ASB18: variants seen among roughly 807,000 people sequenced by gnomAD.
ASB18 encodes ankyrin repeat and SOCS box containing 18, also known as ankyrin repeat and SOCS box protein 18.
In ASB18, 33 loss-of-function variants were observed where a neutral mutation model predicts 33.4. The observed-to-expected ratio is 0.99, with a 90% CI of 0.75 to 1.32. The LOEUF (loss-of-function observed/expected upper bound fraction) is 1.32, where lower values mean the gene tolerates loss of function less well. Among genes scored for constraint, ASB18 ranks in the 40% most tolerant of loss-of-function variants. ASB18 has a pLI of 0.00. For synonymous variants in ASB18, 295 were observed against 307.6 expected (o/e 0.96, Z 0.43); for missense variants, 694 against 655.5 (o/e 1.06, Z -0.64).
At position 236,237,578 on chromosome 2, in the gene ASB18, G is replaced by C; in HGVS notation, c.596+111C>G. 1.1e-6 allele frequency: 1 copy of C among 907,600 alleles called. No individual in the cohort carries two copies. The highest frequency in any genetic ancestry group is 4.3e-5 in the Admixed American group (1 of 23,090). The allele number at this position is 907,600 out of a possible 1,614,324, so 56.2% of individuals were successfully genotyped here. ...GTCAAGGGTGCAGGGTCTGGGTCCGGAGGCGGGGGCTGGGACGGAGGCGGA... is the reference window on the plus strand; with the variant it reads ...GTCAAGGGTGCAGGGTCTGGGTCCGCAGGCGGGGGCTGGGACGGAGGCGGA... On this transcript the variant is annotated intron_variant, in intron 3 of 5. Transcript: ENST00000409749. This position sits in a 1 kb window ranked among gnomAD's most constrained non-coding sequence, Gnocchi z 6.2.
Position 236,237,004 on chromosome 2 carries a change from G to T in ASB18, c.596+685C>A, listed in dbSNP as rs116636914. 0.015 allele frequency among the ~76,000 whole-genome samples: 2,259 copies of T among 152,218 alleles called. 30 individuals carry two copies. Among genetic ancestry groups the T allele is most frequent in the African/African-American group, 0.034 (1,432 of 41,552 alleles). ...TTCCGAGACCCGGAGCACACGCTGG[G>T]AGGGCGCTCTCTGGGGACGGGGGCT... On this transcript the variant is annotated intron_variant, in intron 3 of 5. Transcript: ENST00000409749. The surrounding 1 kb of genome is among the most constrained non-coding windows in gnomAD (Gnocchi z 6.2).
In ASB18 at chr2:236,259,977, T is replaced by G. The variant is rs1371173102; in HGVS notation, c.205+4164A>C. On this transcript the variant is annotated intron_variant, in intron 1 of 5. Coordinates refer to ENST00000409749, the MANE Select transcript of ASB18 (RefSeq NM_212556.4). The surrounding 1 kb of genome is among the most constrained non-coding windows in gnomAD (Gnocchi z 4.4). ...GGATGCCACTTTTTCTCTATGCTTT[T>G]TTTTGGTGATGTTGACATGGATGCA... Among the ~76,000 whole-genome samples the G allele has an allele frequency of 2.6e-5, 4 of 152,234 alleles. No homozygotes were observed. The highest frequency in any genetic ancestry group is 9.6e-5 in the African/African-American group (4 of 41,472).
rs1192580441 is a variant in ASB18 at position 236,259,657 on chromosome 2, C to T, written c.205+4484G>A. The stretch of plus-strand genomic sequence containing the variant: ...GATCCTGTTGGGATGGGGATGCTGA[C>T]TGTAGAGCGTGGGGGGCTCAGCCTC... On this transcript the variant is annotated intron_variant, in intron 1 of 5. Transcript: ENST00000409749. This position sits in a 1 kb window ranked among gnomAD's most constrained non-coding sequence, Gnocchi z 4.4. 1 of 461,068 alleles carries T rather than the reference C, an allele frequency of 2.2e-6. No individual in the cohort carries two copies. Among genetic ancestry groups the T allele is most frequent in the Non-Finnish European group, 4.5e-6 (1 of 220,796 alleles). The allele number at this position is 461,068 out of a possible 1,614,324, so 28.6% of individuals were successfully genotyped here. A position where few individuals can be genotyped will look rare whatever the true frequency, so the allele number is the denominator to read the frequency against.
chr2:236,241,381 G>A lies in ASB18; in HGVS notation c.227C>T (p.Pro76Leu). ...MLLGDLDHLKPLMDQFFQDAN... is the reference protein window; with the variant it reads ...MLLGDLDHLKLLMDQFFQDAN... ...ATCCTGGAAGAACTGGTCCATGAGG[G>A]GCTTCAGATGGTCGAGGTCCCCTGC... Residue 76 changes from proline (P) to leucine (L), a missense_variant, in exon 2 of 6, where the codon CCC (proline) becomes CTC (leucine). Pro to Leu is a moderately conservative substitution (Grantham distance 98). Transcript: ENST00000409749. This position sits in a 1 kb window ranked among gnomAD's most constrained non-coding sequence, Gnocchi z 4.2. The A allele has an allele frequency of 6.2e-7, 1 of 1,613,926 alleles. No homozygotes were observed. The highest frequency in any genetic ancestry group is 1.3e-5 in the African/African-American group (1 of 75,028).
At position 236,195,422 on chromosome 2, in the gene ASB18, G is replaced by A. The variant is rs2060367127; in HGVS notation, c.1216-365C>T. Among the ~76,000 whole-genome samples, 1 of 152,108 alleles carries A rather than the reference G, an allele frequency of 6.6e-6. No individual in the cohort carries two copies. The highest frequency in any genetic ancestry group is 1.5e-5 in the Non-Finnish European group (1 of 68,020). ...AGCTCTTCCCTTCTGCCAGGGAGGG[G>A]CTCAGGAGCGAGTGCATGGCATTGG... On this transcript the variant is annotated intron_variant, in intron 5 of 5. Transcript: ENST00000409749. The surrounding 1 kb of genome is among the most constrained non-coding windows in gnomAD (Gnocchi z 5.5).
In ASB18 at chr2:236,241,205, C is replaced by T. The variant is rs1344912605; in HGVS notation, c.328+75G>A. ...AGTGCCACTGTGCCCAGTCTACACA[C>T]GGGAGCCTTACACTCCCAGAGAGTA... On this transcript the variant is annotated intron_variant, in intron 2 of 5. Coordinates refer to ENST00000409749, the MANE Select transcript of ASB18 (RefSeq NM_212556.4). The surrounding 1 kb of genome is among the most constrained non-coding windows in gnomAD (Gnocchi z 4.2). 15 of 1,442,164 alleles carry T rather than the reference C, an allele frequency of 1.0e-5. No individual in the cohort carries two copies. The highest frequency in any genetic ancestry group is 2.0e-4 in the Middle Eastern group (1 of 5,022). 89.3% of individuals were successfully genotyped at this position (1,442,164 alleles called of 1,614,324 possible).
chr2:236,240,735 A>G (rs1457851032), intron 2 of ASB18, among the ~76,000 whole-genome samples: 1 of 152,210 alleles, frequency 6.6e-6, no homozygotes, highest in Non-Finnish European at 1.5e-5. Flanking sequence ...GCAGACACGT[A>G]TGAAGTCAGG....
chr2:236,246,036 T>C (rs923323567), intron 1 of ASB18, among the ~76,000 whole-genome samples: 34 of 152,080 alleles, frequency 2.2e-4, no homozygotes, highest in Admixed American at 1.4e-3. Context: ...TTCCCCCACA[T>C]GTAGAGATCC....
Position 236,264,334 on chromosome 2 carries a change from C to G in ASB18, c.12G>C (p.Ser4=), listed in dbSNP as rs781251806. 4.3e-6 allele frequency: 7 copies of G among 1,613,804 alleles called. No individual in the cohort carries two copies. The African/African-American group carries it at 5.3e-5, about 12-fold the overall frequency. Residue 4 remains serine (S), a synonymous_variant, in exon 1 of 6, where the codon TCG becomes TCC. Coordinates refer to ENST00000409749, the MANE Select transcript of ASB18 (RefSeq NM_212556.4). This position sits in a 1 kb window ranked among gnomAD's most constrained non-coding sequence, Gnocchi z 5.1. MSN[S]DYLPDYPLNS... is the part of the protein sequence containing the mutation. ...TGAGTGGGTAGTCGGGAAGGTAATC[C>G]GAGTTGGACATTGTTACGTCGTTTC... is the stretch of plus-strand genomic sequence containing the variant.
In ASB18 at chr2:236,205,587, T is replaced by C. The variant is rs909089673; in HGVS notation, c.1101+8775A>G. Among the ~76,000 whole-genome samples the C allele has an allele frequency of 2.6e-5, 4 of 152,242 alleles. No individual in the cohort carries two copies. Among genetic ancestry groups the C allele is most frequent in the African/African-American group, 9.7e-5 (4 of 41,444 alleles). Reference sequence around the variant, plus strand: ...TAAGCTCCACATAGGCAGGAATACTTCTTTCCCCTTATCTGTTCACTCACT... The same window carrying C: ...TAAGCTCCACATAGGCAGGAATACTCCTTTCCCCTTATCTGTTCACTCACT... On this transcript the variant is annotated intron_variant, in intron 4 of 5. Coordinates refer to ENST00000409749, the MANE Select transcript of ASB18 (RefSeq NM_212556.4). The surrounding 1 kb of genome is among the most constrained non-coding windows in gnomAD (Gnocchi z 5.4).
Position 236,222,790 on chromosome 2 carries a change from T to C in ASB18, c.597-7924A>G, listed in dbSNP as rs1051003785. Among the ~76,000 whole-genome samples the C allele has an allele frequency of 6.6e-6, 1 of 152,030 alleles. No individual in the cohort carries two copies. Among genetic ancestry groups the C allele is most frequent in the Non-Finnish European group, 1.5e-5 (1 of 67,996 alleles). On this transcript the variant is annotated intron_variant, in intron 3 of 5. Transcript: ENST00000409749. This position sits in a 1 kb window ranked among gnomAD's most constrained non-coding sequence, Gnocchi z 5.5. ...ATCCCAACACTTTGGGAGGCCGAGG[T>C]ATGTGGATCACCTGAGTTCAGGAGT... is the stretch of plus-strand genomic sequence containing the variant.
Position 236,262,334 on chromosome 2 carries a change from C to T in ASB18, c.205+1807G>A, listed in dbSNP as rs750094088. ...AAGGCAGGCCGGGTTACAGGGGCTA[C>T]AGGAGACCACTTACAGGTGGCAGCA... On this transcript the variant is annotated intron_variant, in intron 1 of 5. Transcript: ENST00000409749. This position sits in a 1 kb window ranked among gnomAD's most constrained non-coding sequence, Gnocchi z 5.2. 6.6e-6 allele frequency among the ~76,000 whole-genome samples: 1 copy of T among 152,204 alleles called. No homozygotes were observed. Among genetic ancestry groups the T allele is most frequent in the Non-Finnish European group, 1.5e-5 (1 of 68,040 alleles).
In ASB18 at chr2:236,234,272, A is replaced by G. The variant is rs1311405819; in HGVS notation, c.596+3417T>C. Among the ~76,000 whole-genome samples, 1 of 152,148 alleles carries G rather than the reference A, an allele frequency of 6.6e-6. No homozygotes were observed. ...ATGTCCCCTAGGAGGCTGCTATGAG[A>G]TGGTTTCTCAATGCCTTCTGGATCC... On this transcript the variant is annotated intron_variant, in intron 3 of 5. Transcript: ENST00000409749. This position sits in a 1 kb window ranked among gnomAD's most constrained non-coding sequence, Gnocchi z 4.1.
rs775548294 is a variant in ASB18 at position 236,195,894 on chromosome 2, G to A, written c.1215+378C>T. 4.6e-5 allele frequency among the ~76,000 whole-genome samples: 7 copies of A among 152,268 alleles called. No homozygotes were observed. Among genetic ancestry groups the A allele is most frequent in the East Asian group, 1.9e-4 (1 of 5,156 alleles). On this transcript the variant is annotated intron_variant, in intron 5 of 5. Transcript: ENST00000409749. The surrounding 1 kb of genome is among the most constrained non-coding windows in gnomAD (Gnocchi z 5.5). ...TGTAATCCCCATAGCTTCCTTGGTC[G>A]TATCTTGAGCTGCTGGAGCATGAAG... is the stretch of plus-strand genomic sequence containing the variant.
rs1185708358 is a variant in ASB18, at chr2:236,249,585, G to C, written c.206-8183C>G. 6.6e-6 allele frequency: 1 copy of C among 152,118 alleles called. No individual in the cohort carries two copies. The highest frequency in any genetic ancestry group is 1.5e-5 in the Non-Finnish European group (1 of 68,044). The allele number at this position is 152,118 out of a possible 1,614,324, so 9.4% of individuals were successfully genotyped here. On this transcript the variant is annotated intron_variant, in intron 1 of 5. Transcript: ENST00000409749. The surrounding 1 kb of genome is among the most constrained non-coding windows in gnomAD (Gnocchi z 4.6). ...GGAAATGCTTCTGAACAAATACAAT[G>C]CCCTTCTTGAAAGAGAGGGATTCTG...
At position 236,256,767 on chromosome 2, in the gene ASB18, G is replaced by T. The variant is rs967000204; in HGVS notation, c.205+7374C>A. ...GGCAGTGACAGTTCATACTTGGGGG[G>T]AGCTGAGACGCGACCCTGTAGGATT... On this transcript the variant is annotated intron_variant, in intron 1 of 5. Transcript: ENST00000409749. The surrounding 1 kb of genome is among the most constrained non-coding windows in gnomAD (Gnocchi z 4.7). 1.3e-5 allele frequency among the ~76,000 whole-genome samples: 2 copies of T among 152,164 alleles called. No individual in the cohort carries two copies. Among genetic ancestry groups the T allele is most frequent in the African/African-American group, 4.8e-5 (2 of 41,454 alleles).
chr2:236,214,575 C>G lies in ASB18; in HGVS notation c.888G>C (p.Pro296=), dbSNP rs548914403. The part of the protein sequence containing the change: ...ADARDEDERS[P]LHKACGHASH... The stretch of plus-strand genomic sequence containing the variant: ...TCGCGTGGCCGCAGGCTTTGTGCAG[C>G]GGGCTGCGCTCGTCCTCGTCGCGCG... The change falls in exon 4 of 6, where the codon CCG becomes CCC. Residue 296 remains proline, a synonymous_variant. Coordinates refer to ENST00000409749, the MANE Select transcript of ASB18 (RefSeq NM_212556.4). The surrounding 1 kb of genome is among the most constrained non-coding windows in gnomAD (Gnocchi z 6.5). 3.8e-6 allele frequency: 5 copies of G among 1,330,334 alleles called. No individual in the cohort carries two copies. Among genetic ancestry groups the G allele is most frequent in the Non-Finnish European group, 4.8e-6 (5 of 1,048,628 alleles). The allele number at this position is 1,330,334 out of a possible 1,614,324, so 82.4% of individuals were successfully genotyped here.
intron 1 of ASB18, among the ~76,000 whole-genome samples, chr2:236,261,693 C>T (rs2060719415): frequency 6.6e-6 from 1 of 152,138 alleles, no homozygotes; most frequent in Non-Finnish European, 1.5e-5. Context: ...CTGTTTTCTT[C>T]CTGCTGATAA....
At chr2:236,242,898 TG>T (rs1205889554) in intron 1 of ASB18, among the ~76,000 whole-genome samples, 1 of 150,648 alleles carries the variant, frequency 6.6e-6, no homozygotes, top group East Asian at 2.0e-4. Context: ...TATGCACCTG[TG>T]GTCCCAGCTA....
Sources: gnomAD v4.1 joint callset for allele counts (sites outside exome capture counted in the v4.1 genomes callset) on GRCh38, gnomAD v4.1.1 for gene constraint, Gnocchi (gnomAD v3.1) non-coding constraint, MANE v1.5 for transcripts, NCBI Gene and HGNC (gene_info 2026-07-23, HGNC 2026-07-21) for gene names.